The following HNMT variants were observed in gnomAD, a reference collection of about 807,000 sequenced individuals.
The protein encoded by HNMT is histamine N-methyltransferase.
In HNMT, 30 loss-of-function variants were observed where a neutral mutation model predicts 32.1. That is an observed-to-expected ratio of 0.93 (90% CI 0.70 to 1.27). HNMT has a LOEUF of 1.27. Ranked by LOEUF, HNMT falls within the 50% of genes most tolerant of loss-of-function variation. HNMT has a pLI of 0.00. For missense variants in HNMT, 327 were observed against 346.0 expected, an observed-to-expected ratio of 0.95 and a Z score of 0.43; for synonymous variants, 125 against 119.0, an observed-to-expected ratio of 1.05 and a Z score of -0.33.
chr2:138,011,418 C>G (rs1308571107), intron 5 of HNMT, among the ~76,000 whole-genome samples: 1 of 152,076 alleles, frequency 6.6e-6, no homozygotes, highest in Non-Finnish European at 1.5e-5. Flanking sequence ...TCCACCTTCT[C>G]CTAGAGCATA....
chr2:138,003,880 T>C (rs1681256725), intron 4 of HNMT, among the ~76,000 whole-genome samples: 1 of 152,078 alleles, frequency 6.6e-6, no homozygotes. Context: ...GTTATAAATA[T>C]TGTGATTTCA....
At chr2:137,997,433 C>T (rs1042935684) in intron 2 of HNMT, among the ~76,000 whole-genome samples, 3 of 152,144 alleles carry the variant, frequency 2.0e-5, no homozygotes, top group South Asian at 2.1e-4. Context: ...AGCTCAATAT[C>T]GCTGATCATC....
At chr2:137,974,921 C>T (rs1680243055) in intron 2 of HNMT, among the ~76,000 whole-genome samples, 1 of 152,094 alleles carries the variant, frequency 6.6e-6, no homozygotes, top group Non-Finnish European at 1.5e-5. Flanking sequence ...TGTTCTGCAG[C>T]ATATAGACAC....
At chr2:138,013,205 T>C (rs1390161712) in intron 5 of HNMT, among the ~76,000 whole-genome samples, 1 of 152,106 alleles carries the variant, frequency 6.6e-6, no homozygotes, top group Non-Finnish European at 1.5e-5. Flanking sequence ...ACAATGCAGA[T>C]ATCGAACGTG....
intron 2 of HNMT, among the ~76,000 whole-genome samples, chr2:137,996,762 C>A (rs760263066): frequency 1.3e-5 from 2 of 152,196 alleles, no homozygotes; most frequent in African/African-American, 2.4e-5. Flanking sequence ...TGCCACCTGA[C>A]TTCAAACTAT....
chr2:137,993,715 C>T (rs1028020683), intron 2 of HNMT, among the ~76,000 whole-genome samples: 2 of 152,082 alleles, frequency 1.3e-5, no homozygotes, highest in African/African-American at 4.8e-5. Context: ...AACCCCAAGA[C>T]ACATAATCAT....
chr2:138,002,739 A>G, intron 4 of HNMT: 2 of 922,068 alleles, frequency 2.2e-6, no homozygotes, highest in Non-Finnish European at 2.6e-6. Context: ...GAGCCACTGC[A>G]CCCAGTCTTT....
intron 2 of HNMT, among the ~76,000 whole-genome samples, chr2:137,981,921 T>C (rs1680513514): frequency 6.6e-6 from 1 of 152,212 alleles, no homozygotes. Context: ...TGCCGCGATC[T>C]AGGCTCACTG....
chr2:137,988,346 A>G (rs1680713347), intron 2 of HNMT, among the ~76,000 whole-genome samples: 1 of 152,196 alleles, frequency 6.6e-6, no homozygotes, highest in Non-Finnish European at 1.5e-5. Context: ...TCTTGACCTG[A>G]ATAAGAGCAC....
intron 2 of HNMT, among the ~76,000 whole-genome samples, chr2:137,995,536 C>A (rs1193945150): frequency 6.6e-6 from 1 of 152,118 alleles, no homozygotes; most frequent in African/African-American, 2.4e-5. Context: ...AGCCTACCAA[C>A]CAAAGAAAGC....
At chr2:137,994,065 C>A (rs1355757807) in intron 2 of HNMT, among the ~76,000 whole-genome samples, 1 of 152,168 alleles carries the variant, frequency 6.6e-6, no homozygotes, top group African/African-American at 2.4e-5. Flanking sequence ...ACTGCAAAAA[C>A]ACATCAAAAT....
chr2:138,000,455 A>T (rs75198095), intron 2 of HNMT, among the ~76,000 whole-genome samples: 1,517 of 141,914 alleles, frequency 0.011, 29 homozygotes, highest in African/African-American at 0.04. Context: ...TGTACCCTTT[A>T]TTTAATCTGA....
intron 2 of HNMT, among the ~76,000 whole-genome samples, chr2:137,979,293 C>T (rs543280457): frequency 1.6e-4 from 24 of 151,114 alleles, no homozygotes; most frequent in African/African-American, 2.4e-4. Context: ...TATTTTGAGA[C>T]GGAGTCTTGC....
chr2:138,004,634 T>C (rs1487867998), intron 4 of HNMT, among the ~76,000 whole-genome samples: 1 of 152,064 alleles, frequency 6.6e-6, no homozygotes, highest in Non-Finnish European at 1.5e-5. Flanking sequence ...CTACAGAATC[T>C]GTCATCATCA....
At chr2:137,995,763 C>A (rs986197693) in intron 2 of HNMT, among the ~76,000 whole-genome samples, 2 of 152,010 alleles carry the variant, frequency 1.3e-5, no homozygotes, top group Non-Finnish European at 2.9e-5. Flanking sequence ...ATGGGAAAAT[C>A]CTCAATAAAA....
chr2:138,013,754 G>C (rs1347283625), intron 5 of HNMT, 21 bp from the exon 6 acceptor site: 1 of 1,578,288 alleles, frequency 6.3e-7, no homozygotes, highest in Non-Finnish European at 8.7e-7. Flanking sequence ...ATGAAAGCAT[G>C]ACTTGTGTTT....
intron 2 of HNMT, among the ~76,000 whole-genome samples, chr2:137,989,382 T>C (rs1680750094): frequency 6.6e-6 from 1 of 152,232 alleles, no homozygotes. Flanking sequence ...TTAAGTTTCT[T>C]CCATGTCTTT....
At chr2:137,990,285 A>G (rs1318835647) in intron 2 of HNMT, among the ~76,000 whole-genome samples, 2 of 152,076 alleles carry the variant, frequency 1.3e-5, no homozygotes. Flanking sequence ...CCTTGTCTAG[A>G]TTCATTTTTT....
chr2:138,001,102 A>C (rs1258710110), intron 3 of HNMT, 77 bp downstream of exon 3: 2 of 692,970 alleles, frequency 2.9e-6, no homozygotes, highest in African/African-American at 3.7e-5. Flanking sequence ...TGAATGATTA[A>C]AAATATAGTT....
Sources: allele counts gnomAD v4.1 joint callset (sites outside exome capture counted in the v4.1 genomes callset), GRCh38; gene constraint gnomAD v4.1.1; transcripts MANE v1.5; gene names NCBI Gene and HGNC (gene_info 2026-07-23, HGNC 2026-07-21).